Variants in CCDC92 observed in about 807,000 individuals in gnomAD.
CCDC92 encodes coiled-coil domain containing 92.
In CCDC92, 12 loss-of-function variants were observed where a neutral mutation model predicts 24.9. The observed-to-expected ratio is 0.48, with a 90% CI of 0.31 to 0.78. The LOEUF is 0.78. Ranked by LOEUF, CCDC92 falls within the 30% of genes least tolerant of loss-of-function variation. CCDC92 has a pLI of 0.05. For synonymous variants in CCDC92, 193 were observed against 196.3 expected (o/e 0.98, Z 0.14); for missense variants, 399 against 439.4 (o/e 0.91, Z 0.82).
chr12:123,956,938 G>C (rs1956162273), intron 1 of CCDC92, among the ~76,000 whole-genome samples: 1 of 152,240 alleles, frequency 6.6e-6, no homozygotes, highest in Admixed American at 6.5e-5. Context: ...GGATTTTTCA[G>C]AGAATGAGAG....
Position 123,943,347 on chromosome 12 carries a change from C to T in CCDC92, c.181G>A (p.Asp61Asn). 6.2e-7 allele frequency: 1 copy of T among 1,612,714 alleles called. No homozygotes were observed. Among genetic ancestry groups the T allele is most frequent in the Middle Eastern group, 1.7e-4 (1 of 6,048 alleles). ...TGCCCGGGCCTGCTCCCCGATGTAC[C>T]TGTGCAGTGCTGCTGCAGCCGCCTG... The part of the protein sequence containing the change: ...EIRRLQQHCT[D>N]LTYELTVKSS... Residue 61 changes from aspartate to asparagine, a missense_variant and splice_region_variant, in exon 3 of 5, where the codon GAT becomes AAT. Physicochemically the swap from Asp to Asn is conservative, Grantham distance 23. Coordinates refer to ENST00000238156, the MANE Select transcript of CCDC92 (RefSeq NM_025140.3).
At chr12:123,946,004 C>G (rs1955846987) in intron 1 of CCDC92, 1 of 179,296 alleles carries the variant, frequency 5.6e-6, no homozygotes, top group South Asian at 1.0e-4. Context: ...ATTTCCAGTC[C>G]ATGATGATCT....
chr12:123,951,412 C>T (rs1956022313), intron 1 of CCDC92, among the ~76,000 whole-genome samples: 1 of 152,164 alleles, frequency 6.6e-6, no homozygotes, highest in African/African-American at 2.4e-5. Flanking sequence ...CAATCAAGAA[C>T]AAACGTTATC....
intron 1 of CCDC92, among the ~76,000 whole-genome samples, chr12:123,969,836 T>A (rs1039345131): frequency 6.6e-6 from 1 of 152,126 alleles, no homozygotes; most frequent in Non-Finnish European, 1.5e-5. Flanking sequence ...ACTGGCACCA[T>A]CCCATTTTTT....
chr12:123,969,150 A>G (rs955984381), intron 1 of CCDC92, among the ~76,000 whole-genome samples: 65 of 152,332 alleles, frequency 4.3e-4, no homozygotes, highest in African/African-American at 1.4e-3. Context: ...CCCATTGCTG[A>G]TAAAACCATC....
At chr12:123,960,193 G>C (rs1046793317) in intron 1 of CCDC92, among the ~76,000 whole-genome samples, 2 of 151,878 alleles carry the variant, frequency 1.3e-5, no homozygotes, top group East Asian at 3.8e-4. Context: ...TGGAAACCTG[G>C]GCTGGCCCTT....
chr12:123,943,535 T>A, intron 2 of CCDC92, 42 bp from the exon 3 acceptor site: 1 of 1,610,334 alleles, frequency 6.2e-7, no homozygotes. Flanking sequence ...CTGAAGAGGG[T>A]CCCAGGGCTG....
chr12:123,950,656 G>C (rs1359392010), intron 1 of CCDC92, among the ~76,000 whole-genome samples: 1 of 152,176 alleles, frequency 6.6e-6, no homozygotes, highest in Non-Finnish European at 1.5e-5. Context: ...TCCCCTGCAA[G>C]GCCAGGCTGA....
At chr12:123,965,632 G>C (rs1384433654) in intron 1 of CCDC92, among the ~76,000 whole-genome samples, 2 of 152,128 alleles carry the variant, frequency 1.3e-5, no homozygotes, top group African/African-American at 4.8e-5. Flanking sequence ...AGTCCCTTAT[G>C]GTGGCTCTTT....
intron 1 of CCDC92, among the ~76,000 whole-genome samples, chr12:123,969,312 C>T (rs937752461): frequency 1.3e-5 from 2 of 152,086 alleles, no homozygotes; most frequent in African/African-American, 4.8e-5. Flanking sequence ...ACCATGCAGA[C>T]ATACTGAAAA....
chr12:123,939,280 T>G (rs1453742866), intron 4 of CCDC92, among the ~76,000 whole-genome samples: 1 of 152,122 alleles, frequency 6.6e-6, no homozygotes, highest in Admixed American at 6.5e-5. Flanking sequence ...TGCTTTGAAT[T>G]TTCCCACCTG....
intron 1 of CCDC92, among the ~76,000 whole-genome samples, chr12:123,955,577 T>C (rs1049442850): frequency 2.6e-5 from 4 of 152,202 alleles, no homozygotes; most frequent in African/African-American, 7.2e-5. Flanking sequence ...CTTTTATCCA[T>C]TTGTGGGTCT....
chr12:123,939,278 A>T lies in CCDC92; in HGVS notation c.224-1448T>A, dbSNP rs186810403. Reference sequence around the variant, plus strand: ...CGGGCTTCTGTCTGTCTTGCTTTGAATTTTCCCACCTGCCTGAGCTAGCAG... The same window carrying T: ...CGGGCTTCTGTCTGTCTTGCTTTGATTTTTCCCACCTGCCTGAGCTAGCAG... On this transcript the variant is annotated intron_variant, in intron 4 of 4. Coordinates refer to ENST00000238156, the MANE Select transcript of CCDC92 (RefSeq NM_025140.3). Among the ~76,000 whole-genome samples the T allele has an allele frequency of 2.0e-5, 3 of 151,998 alleles. No individual in the cohort carries two copies. In the East Asian group the frequency reaches 5.8e-4, roughly 29 times the overall value.
In CCDC92 at chr12:123,936,892, C is replaced by T. The variant is rs946017447; in HGVS notation, c.*166G>A. The T allele has an allele frequency of 8.6e-5, 62 of 723,726 alleles. No homozygotes were observed. The highest frequency in any genetic ancestry group is 4.5e-4 in the Admixed American group (16 of 35,370). The allele number at this position is 723,726 out of a possible 1,614,324, so 44.8% of individuals were successfully genotyped here. A position where few individuals can be genotyped will look rare whatever the true frequency, so the allele number is the denominator to read the frequency against. ...AAATACATATTCTGCGGCAGGGACA[C>T]GATCATATTTTGGTGTGAAGAAGAG... On this transcript the variant is annotated 3_prime_UTR_variant, in exon 5 of 5. Coordinates refer to ENST00000238156, the MANE Select transcript of CCDC92 (RefSeq NM_025140.3).
intron 2 of CCDC92, 158 bp from the exon 3 acceptor site, chr12:123,943,651 T>C: frequency 1.3e-6 from 1 of 754,528 alleles, no homozygotes; most frequent in Non-Finnish European, 2.2e-6. Flanking sequence ...CAGGGCTACA[T>C]TCCCATCACT....
intron 1 of CCDC92, among the ~76,000 whole-genome samples, chr12:123,963,101 C>T (rs1480291899): frequency 6.6e-6 from 1 of 152,128 alleles, no homozygotes; most frequent in Non-Finnish European, 1.5e-5. Flanking sequence ...ATCTAGTGGG[C>T]AGGGCCAGGG....
At chr12:123,945,114 G>C (rs1259732727) in intron 1 of CCDC92, 1 of 152,226 alleles carries the variant, frequency 6.6e-6, no homozygotes, top group Non-Finnish European at 1.5e-5. Context: ...CCCGACAATA[G>C]GGAGTGGGTT....
intron 1 of CCDC92, chr12:123,956,382 A>C (rs909799076): frequency 6.6e-6 from 1 of 152,128 alleles, no homozygotes; most frequent in African/African-American, 2.4e-5. Context: ...CTTTCCATCT[A>C]GTGATCTGAG....
At chr12:123,971,868 A>T (rs1044361264) in intron 1 of CCDC92, 3 of 152,136 alleles carry the variant, frequency 2.0e-5, no homozygotes, top group Non-Finnish European at 4.4e-5. Flanking sequence ...AAGCTTCAGG[A>T]AGGGGCTGGC....
Sources: gnomAD v4.1 joint callset for allele counts (sites outside exome capture counted in the v4.1 genomes callset) on GRCh38, gnomAD v4.1.1 for gene constraint, MANE v1.5 for transcripts, NCBI Gene and HGNC (gene_info 2026-07-23, HGNC 2026-07-21) for gene names.